Variants in LPP observed in about 807,000 individuals in gnomAD.
LPP encodes LIM domain containing preferred translocation partner in lipoma.
Under a neutral mutation model 60.4 loss-of-function variants are expected in LPP, and 38 were observed. That is an observed-to-expected ratio of 0.63 (90% CI 0.49 to 0.83). The LOEUF is 0.83. Ranked by LOEUF, LPP falls within the 40% of genes least tolerant of loss-of-function variation. The probability of loss-of-function intolerance (pLI) is 0.00; values close to 1 mark genes in which losing one functional copy is unlikely to be tolerated. For missense variants in LPP, 902 were observed against 783.6 expected, an observed-to-expected ratio of 1.15 and a Z score of -1.80; for synonymous variants, 328 against 290.8, an observed-to-expected ratio of 1.13 and a Z score of -1.30.
At chr3:188,715,204 C>T (rs1348689695) in intron 8 of LPP, among the ~76,000 whole-genome samples, 3 of 151,398 alleles carry the variant, frequency 2.0e-5, no homozygotes, top group Non-Finnish European at 4.4e-5. Context: ...ATGGTGAAAC[C>T]CCATCTCTAC....
intron 4 of LPP, among the ~76,000 whole-genome samples, chr3:188,476,723 G>A (rs1327757706): frequency 6.6e-6 from 1 of 151,996 alleles, no homozygotes; most frequent in Non-Finnish European, 1.5e-5. Context: ...AAATACAAAT[G>A]GAAGAAAAAT....
chr3:188,566,200 T>C (rs1832107807), intron 6 of LPP, among the ~76,000 whole-genome samples: 3 of 151,988 alleles, frequency 2.0e-5, no homozygotes, highest in African/African-American at 7.2e-5. Context: ...TACAAGACGA[T>C]GGAAAAGTGC....
rs1313280426 is a variant in LPP, at chr3:188,250,798, TTCTTTCTTTC to T, written c.-67+25283_-67+25292del. ...TCTTTCTTTCTTTCTGTCTTTCTCT[TTCTTTCTTTC>T]TCTTTCTTTCTTTCTTTTTCTTTCT... On this transcript the variant is annotated intron_variant, in intron 2 of 11. Transcript: ENST00000617246. Among the ~76,000 whole-genome samples the T allele has an allele frequency of 1.7e-4, 23 of 137,834 alleles. 1 individual carries two copies. Among genetic ancestry groups the T allele is most frequent in the African/African-American group, 4.0e-4 (14 of 35,302 alleles). 90.4% of individuals were successfully genotyped at this position (137,834 alleles called of 152,430 possible).
intron 2 of LPP, among the ~76,000 whole-genome samples, chr3:188,303,520 TA>T (rs1332881042): frequency 6.6e-6 from 1 of 152,072 alleles, no homozygotes; most frequent in Non-Finnish European, 1.5e-5. Context: ...CTGTGGGAGG[TA>T]AAAGGTACTT....
At chr3:188,223,206 C>T (rs961580394) in intron 1 of LPP, among the ~76,000 whole-genome samples, 42 of 152,214 alleles carry the variant, frequency 2.8e-4, no homozygotes, top group African/African-American at 9.2e-4. Flanking sequence ...TGGTGAGCTG[C>T]GTGATCCTGC....
At chr3:188,282,024 TTG>T (rs1742271859) in intron 2 of LPP, among the ~76,000 whole-genome samples, 1 of 152,092 alleles carries the variant, frequency 6.6e-6, no homozygotes, top group Non-Finnish European at 1.5e-5. Flanking sequence ...TTCCCTTTTT[TTG>T]TGTCTTTCTA....
At chr3:188,264,063 C>G (rs1398525936) in intron 2 of LPP, among the ~76,000 whole-genome samples, 1 of 152,180 alleles carries the variant, frequency 6.6e-6, no homozygotes, top group African/African-American at 2.4e-5. Flanking sequence ...TTGTACATAT[C>G]ACCTTCGACA....
At chr3:188,249,454 A>G (rs927074892) in intron 2 of LPP, among the ~76,000 whole-genome samples, 2 of 152,034 alleles carry the variant, frequency 1.3e-5, no homozygotes, top group Admixed American at 6.6e-5. Flanking sequence ...AAGGAAGGAA[A>G]GGAAGGAGGG....
chr3:188,524,956 CTCTTCT>C (rs1463417545), intron 6 of LPP, among the ~76,000 whole-genome samples, 169 bp downstream of exon 6: 10 of 138,704 alleles, frequency 7.2e-5, no homozygotes, highest in Admixed American at 1.5e-4. Context: ...TCCTCTCTCT[CTCTTCT>C]TTCTTTCTCT....
At chr3:188,590,245 T>C (rs376337223) in intron 6 of LPP, among the ~76,000 whole-genome samples, 2 of 152,328 alleles carry the variant, frequency 1.3e-5, no homozygotes, top group South Asian at 2.1e-4. Flanking sequence ...TTCTTCAAGA[T>C]CTTTTAAAAT....
intron 11 of LPP, 56 bp downstream of exon 11, chr3:188,872,819 G>A (rs939840984): frequency 8.1e-6 from 13 of 1,609,034 alleles, no homozygotes; most frequent in Middle Eastern, 1.7e-4. Context: ...AGGCTCGTTC[G>A]AGCTAGGTTT....
intron 1 of LPP, among the ~76,000 whole-genome samples, chr3:188,183,898 C>A (rs1725831576): frequency 6.6e-6 from 1 of 152,096 alleles, no homozygotes; most frequent in South Asian, 2.1e-4. Context: ...TTCTAACCTG[C>A]CACTGCTAGG....
chr3:188,664,197 A>G (rs986173941), intron 7 of LPP, among the ~76,000 whole-genome samples: 6 of 152,164 alleles, frequency 3.9e-5, no homozygotes, highest in African/African-American at 1.2e-4. Flanking sequence ...CTGAAATCCT[A>G]TTACCATTTA....
chr3:188,646,765 C>G (rs571962593), intron 7 of LPP, among the ~76,000 whole-genome samples: 10 of 152,198 alleles, frequency 6.6e-5, no homozygotes, highest in Non-Finnish European at 1.3e-4. Flanking sequence ...AGTTTCTCAG[C>G]TAGGAACAAA....
At chr3:188,503,260 A>G (rs1389679276) in intron 5 of LPP, among the ~76,000 whole-genome samples, 1 of 152,116 alleles carries the variant, frequency 6.6e-6, no homozygotes, top group African/African-American at 2.4e-5. Context: ...TTCCTTTTTC[A>G]GTTGTTGATG....
At chr3:188,616,003 T>G (rs981149967) in intron 7 of LPP, among the ~76,000 whole-genome samples, 2 of 152,180 alleles carry the variant, frequency 1.3e-5, no homozygotes, top group African/African-American at 4.8e-5. Flanking sequence ...GTCAGATGGG[T>G]AGATTGCAAA....
chr3:188,862,843 T>C (rs1413026881), intron 9 of LPP, among the ~76,000 whole-genome samples: 1 of 152,022 alleles, frequency 6.6e-6, no homozygotes, highest in Non-Finnish European at 1.5e-5. Flanking sequence ...ACATCCCTCT[T>C]TCACTTATTT....
rs576714340 is a variant in LPP, at chr3:188,401,099, G to A, written c.-9-5013G>A. Reference sequence around the variant, plus strand: ...TTAAAGGTCACACTTGTATAGCTGAGACTAGAACTGGGGCCACAGGGACTC... The same window carrying A: ...TTAAAGGTCACACTTGTATAGCTGAAACTAGAACTGGGGCCACAGGGACTC... On this transcript the variant is annotated intron_variant, in intron 3 of 11. Coordinates refer to ENST00000617246, the MANE Select transcript of LPP (RefSeq NM_001375462.1). Among the ~76,000 whole-genome samples the A allele has an allele frequency of 1.2e-3, 182 of 152,270 alleles. 1 individual carries two copies. The highest frequency in any genetic ancestry group is 2.0e-3 in the Non-Finnish European group (137 of 68,020).
chr3:188,801,151 G>A (rs1043226317), intron 9 of LPP, among the ~76,000 whole-genome samples: 3 of 152,030 alleles, frequency 2.0e-5, no homozygotes, highest in Admixed American at 6.6e-5. Context: ...GGGGCTAAAC[G>A]TCTAAAAAAC....
Sources: allele counts gnomAD v4.1 joint callset (sites outside exome capture counted in the v4.1 genomes callset), GRCh38; gene constraint gnomAD v4.1.1; transcripts MANE v1.5; gene names NCBI Gene and HGNC (gene_info 2026-07-23, HGNC 2026-07-21).